Variants in OR5AR1 observed in about 807,000 individuals in gnomAD.
OR5AR1 encodes the protein olfactory receptor 5AR1.
OR5AR1 carries 19 observed loss-of-function variants against 12.3 expected under a neutral mutation model. The ratio of observed to expected loss-of-function variants is 1.55; its 90% CI spans 1.08 to 2.27. The LOEUF (loss-of-function observed/expected upper bound fraction) is 2.27, where lower values mean the gene tolerates loss of function less well. Among genes scored for constraint, OR5AR1 ranks in the 30% most tolerant of loss-of-function variants. OR5AR1 has a pLI of 0.00. For missense variants in OR5AR1, 432 were observed against 378.4 expected, an observed-to-expected ratio of 1.14 and a Z score of -1.18; for synonymous variants, 156 against 138.8, an observed-to-expected ratio of 1.12 and a Z score of -0.87.
At position 56,663,972 on chromosome 11, in the gene OR5AR1, G is replaced by T. The variant is rs188426984; in HGVS notation, c.287G>T (p.Ser96Ile). The T allele has an allele frequency of 5.0e-6, 8 of 1,614,054 alleles. No individual in the cohort carries two copies. The Admixed American group carries it at 1.0e-4, about 20-fold the overall frequency. Residue 96 changes from serine (S) to isoleucine (I), a missense_variant, in exon 1 of 1, where the codon AGC becomes ATC. Transcript: ENST00000624596. ...AATCACAAAGTTATCTCCTTCTCCA[G>T]CTGTGCCACCCAGTTTGCTTTTTTT... ...LTNHKVISFS[S>I]CATQFAFFVG...
In OR5AR1 at chr11:56,664,155, T is replaced by C. The variant is rs750717879; in HGVS notation, c.470T>C (p.Val157Ala). ...GSYLAGLVSL[V>A]AHTTLTFSLS... ...TACCTGGCTGGTCTAGTGAGTTTAGTAGCCCACACTACCCTCACCTTCAGC... is the reference window on the plus strand; with the variant it reads ...TACCTGGCTGGTCTAGTGAGTTTAGCAGCCCACACTACCCTCACCTTCAGC... The change falls in exon 1 of 1, where the codon GTA (valine) becomes GCA (alanine). Residue 157 changes from valine to alanine, a missense_variant. Coordinates refer to ENST00000624596, the MANE Select transcript of OR5AR1 (RefSeq NM_001004730.1). 10 of 1,614,010 alleles carry C rather than the reference T, an allele frequency of 6.2e-6. No individual in the cohort carries two copies. Among genetic ancestry groups the C allele is most frequent in the Middle Eastern group, 3.3e-4 (2 of 6,062 alleles).
chr11:56,664,179 G>T lies in OR5AR1; in HGVS notation c.494G>T (p.Ser165Ile). 6.2e-7 allele frequency: 1 copy of T among 1,613,992 alleles called. No individual in the cohort carries two copies. Among genetic ancestry groups the T allele is most frequent in the Non-Finnish European group, 8.5e-7 (1 of 1,180,008 alleles). Residue 165 changes from serine to isoleucine, a missense_variant, in exon 1 of 1, where the codon AGC (serine) becomes ATC (isoleucine). Transcript: ENST00000624596. ...GTAGCCCACACTACCCTCACCTTCA[G>T]CCTGAGTTACTGTGGTTCCAATATC... is the stretch of plus-strand genomic sequence containing the variant. ...SLVAHTTLTF[S>I]LSYCGSNIIN... is the part of the protein sequence containing the mutation.
rs77272836 is a variant in OR5AR1 at position 56,664,142 on chromosome 11, C to T, written c.457C>T (p.Leu153=). 0.013 allele frequency: 20,527 copies of T among 1,613,964 alleles called. 159 individuals carry two copies. Among genetic ancestry groups the T allele is most frequent in the Non-Finnish European group, 0.015 (17,267 of 1,179,942 alleles). The change falls in exon 1 of 1, where the codon CTA becomes TTA. Residue 153 remains leucine (L), a synonymous_variant. Coordinates refer to ENST00000624596, the MANE Select transcript of OR5AR1 (RefSeq NM_001004730.1). ...ALMLGSYLAG[L]VSLVAHTTLT... is the part of the protein sequence containing the mutation. ...CATGCTGGGCTCTTACCTGGCTGGT[C>T]TAGTGAGTTTAGTAGCCCACACTAC...
rs1351277284 is a variant in OR5AR1, at chr11:56,664,056, T to C, written c.371T>C (p.Val124Ala). The change falls in exon 1 of 1, where the codon GTG becomes GCG. Residue 124 changes from valine (V) to alanine (A), a missense_variant. Coordinates refer to ENST00000624596, the MANE Select transcript of OR5AR1 (RefSeq NM_001004730.1). ...GCAGCCATGGCCTATGGTCGTTTTG[T>C]GGCCATTTGTCGACCCCTCCACTAT... The part of the protein sequence containing the change: ...VLAAMAYGRF[V>A]AICRPLHYST... 6.2e-7 allele frequency: 1 copy of C among 1,614,062 alleles called. No individual in the cohort carries two copies.
chr11:56,664,065 G>T lies in OR5AR1; in HGVS notation c.380G>T (p.Cys127Phe), dbSNP rs758786914. The T allele has an allele frequency of 6.2e-7, 1 of 1,613,440 alleles. No individual in the cohort carries two copies. Among genetic ancestry groups the T allele is most frequent in the East Asian group, 2.2e-5 (1 of 44,808 alleles). The change falls in exon 1 of 1, where the codon TGT (cysteine) becomes TTT (phenylalanine). Residue 127 changes from cysteine to phenylalanine, a missense_variant. By Grantham distance (205) the Cys-to-Phe change is radical. Coordinates refer to ENST00000624596, the MANE Select transcript of OR5AR1 (RefSeq NM_001004730.1). ...GCCTATGGTCGTTTTGTGGCCATTT[G>T]TCGACCCCTCCACTATAGCACCTTC... ...AMAYGRFVAI[C>F]RPLHYSTFMS...
In OR5AR1 at chr11:56,664,543, TC is replaced by T. The variant is rs1191762458; in HGVS notation, c.861del (p.Leu288Ter). 1.2e-6 allele frequency: 2 copies of T among 1,613,948 alleles called. No individual in the cohort carries two copies. Among genetic ancestry groups the T allele is most frequent in the Admixed American group, 3.3e-5 (2 of 59,970 alleles). On this transcript the variant is annotated frameshift_variant, in exon 1 of 1. Coordinates refer to ENST00000624596, the MANE Select transcript of OR5AR1 (RefSeq NM_001004730.1). LOFTEE classifies it high-confidence loss of function. ...FYTVIIPMLN[P>X]LIYSLRNKDV... is the part of the protein sequence containing the mutation. ...ACACGGTTATCATCCCCATGTTAAATCCCTTGATCTACAGTTTGCGGAACAA... is the reference window on the plus strand; with the variant it reads ...ACACGGTTATCATCCCCATGTTAAATCCTTGATCTACAGTTTGCGGAACAA...
rs1406550893 is a variant in OR5AR1, at chr11:56,663,802, A to G, written c.117A>G (p.Val39=). 1.9e-6 allele frequency: 3 copies of G among 1,613,550 alleles called. No homozygotes were observed. Among genetic ancestry groups the G allele is most frequent in the East Asian group, 4.5e-5 (2 of 44,844 alleles). Residue 39 remains valine, a synonymous_variant, in exon 1 of 1, where the codon GTA becomes GTG. Transcript: ENST00000624596. ...VVFLIVYLVN[V]VGNIGMIILI... is the part of the protein sequence containing the mutation. ...TCCTCATAGTTTACCTGGTTAATGT[A>G]GTGGGGAATATTGGTATGATTATCC... is the stretch of plus-strand genomic sequence containing the variant.
In OR5AR1 at chr11:56,664,507, C is replaced by T. The variant is rs184733287; in HGVS notation, c.822C>T (p.Ala274=). 18 of 1,613,980 alleles carry T rather than the reference C, an allele frequency of 1.1e-5. No individual in the cohort carries two copies. Among genetic ancestry groups the T allele is most frequent in the Non-Finnish European group, 1.4e-5 (17 of 1,179,916 alleles). Residue 274 remains alanine (A), a synonymous_variant, in exon 1 of 1, where the codon GCC becomes GCT. Coordinates refer to ENST00000624596, the MANE Select transcript of OR5AR1 (RefSeq NM_001004730.1). ...SSYSLDQDKW[A]SVFYTVIIPM... ...ACTCCCTGGACCAAGACAAGTGGGC[C>T]TCTGTGTTCTACACGGTTATCATCC...
Position 56,663,792 on chromosome 11 carries a change from T to G in OR5AR1, c.107T>G (p.Leu36Arg). The G allele has an allele frequency of 1.9e-6, 3 of 1,613,528 alleles. No individual in the cohort carries two copies. Among genetic ancestry groups the G allele is most frequent in the South Asian group, 2.2e-5 (2 of 91,066 alleles). ...IFFVVFLIVY[L>R]VNVVGNIGMI... is the part of the protein sequence containing the mutation. ...TTCGTGGTCTTCCTCATAGTTTACC[T>G]GGTTAATGTAGTGGGGAATATTGGT... Residue 36 changes from leucine to arginine, a missense_variant, in exon 1 of 1, where the codon CTG (leucine) becomes CGG (arginine). Transcript: ENST00000624596.
Position 56,663,932 on chromosome 11 carries a change from G to C in OR5AR1, c.247G>C (p.Ala83Pro). ...CTCAGCCATTGCCCCCAGGATGCTG[G>C]CTGACTTCCTAACAAATCACAAAGT... ...YSSAIAPRMLADFLTNHKVIS... is the reference protein window; with the variant it reads ...YSSAIAPRMLPDFLTNHKVIS... The change falls in exon 1 of 1, where the codon GCT (alanine) becomes CCT (proline). Residue 83 changes from alanine (A) to proline (P), a missense_variant. Coordinates refer to ENST00000624596, the MANE Select transcript of OR5AR1 (RefSeq NM_001004730.1). 3 of 1,614,084 alleles carry C rather than the reference G, an allele frequency of 1.9e-6. No individual in the cohort carries two copies. Among genetic ancestry groups the C allele is most frequent in the Non-Finnish European group, 2.5e-6 (3 of 1,180,010 alleles).
At position 56,663,816 on chromosome 11, in the gene OR5AR1, G is replaced by GTAT; in HGVS notation, c.132_134dup (p.Gly44_Met45insIle). The GTAT allele has an allele frequency of 1.9e-6, 3 of 1,613,820 alleles. No individual in the cohort carries two copies. Among genetic ancestry groups the GTAT allele is most frequent in the Non-Finnish European group, 2.5e-6 (3 of 1,179,820 alleles). On this transcript the variant is annotated inframe_insertion, in exon 1 of 1. Coordinates refer to ENST00000624596, the MANE Select transcript of OR5AR1 (RefSeq NM_001004730.1). ...CTGGTTAATGTAGTGGGGAATATTG[G>GTAT]TATGATTATCCTGATTACAACAGAC... is the stretch of plus-strand genomic sequence containing the variant.
Position 56,664,055 on chromosome 11 carries a change from G to C in OR5AR1, c.370G>C (p.Val124Leu). 1 of 1,613,850 alleles carries C rather than the reference G, an allele frequency of 6.2e-7. No individual in the cohort carries two copies. Among genetic ancestry groups the C allele is most frequent in the Non-Finnish European group, 8.5e-7 (1 of 1,179,928 alleles). ...VLAAMAYGRFVAICRPLHYST... is the reference protein window; with the variant it reads ...VLAAMAYGRFLAICRPLHYST... ...GGCAGCCATGGCCTATGGTCGTTTTGTGGCCATTTGTCGACCCCTCCACTA... is the reference window on the plus strand; with the variant it reads ...GGCAGCCATGGCCTATGGTCGTTTTCTGGCCATTTGTCGACCCCTCCACTA... Residue 124 changes from valine (V) to leucine (L), a missense_variant, in exon 1 of 1, where the codon GTG becomes CTG. Val to Leu is a conservative substitution (Grantham distance 32, BLOSUM62 1). Transcript: ENST00000624596.
chr11:56,664,352 G>T lies in OR5AR1; in HGVS notation c.667G>T (p.Val223Phe), dbSNP rs1394932348. ...CTTCATCTCCTATACCTTTATCCTTGTTGCAATCATCAGAATGCGTTCAGC... is the reference window on the plus strand; with the variant it reads ...CTTCATCTCCTATACCTTTATCCTTTTTGCAATCATCAGAATGCGTTCAGC... ...IIFISYTFIL[V>F]AIIRMRSAEG... The change falls in exon 1 of 1, where the codon GTT becomes TTT. Residue 223 changes from valine to phenylalanine, a missense_variant. Coordinates refer to ENST00000624596, the MANE Select transcript of OR5AR1 (RefSeq NM_001004730.1). 1 of 1,613,884 alleles carries T rather than the reference G, an allele frequency of 6.2e-7. No individual in the cohort carries two copies. The highest frequency in any genetic ancestry group is 1.3e-5 in the African/African-American group (1 of 74,858).
chr11:56,663,703 C>T lies in OR5AR1; in HGVS notation c.18C>T (p.Ser6=). Residue 6 remains serine (S), a synonymous_variant, in exon 1 of 1, where the codon AGC becomes AGT. Coordinates refer to ENST00000624596, the MANE Select transcript of OR5AR1 (RefSeq NM_001004730.1). ...TTGAAGCAATGGATAAAGAAAACAG[C>T]TCAATGGTGACTGAGTTTATCTTCA... MDKEN[S]SMVTEFIFMG... 6.2e-7 allele frequency: 1 copy of T among 1,609,494 alleles called. No homozygotes were observed. The highest frequency in any genetic ancestry group is 8.5e-7 in the Non-Finnish European group (1 of 1,177,424).
In OR5AR1 at chr11:56,663,936, A is replaced by C. The variant is rs762581013; in HGVS notation, c.251A>C (p.Asp84Ala). 5.6e-6 allele frequency: 9 copies of C among 1,614,088 alleles called. No homozygotes were observed. The highest frequency in any genetic ancestry group is 7.6e-6 in the Non-Finnish European group (9 of 1,180,006). ...SSAIAPRMLA[D>A]FLTNHKVISF... ...GCCATTGCCCCCAGGATGCTGGCTG[A>C]CTTCCTAACAAATCACAAAGTTATC... Residue 84 changes from aspartate (D) to alanine (A), a missense_variant, in exon 1 of 1, where the codon GAC (aspartate) becomes GCC (alanine). By Grantham distance (126) the Asp-to-Ala change is moderately radical (BLOSUM62 -2). Coordinates refer to ENST00000624596, the MANE Select transcript of OR5AR1 (RefSeq NM_001004730.1).
Position 56,663,936 on chromosome 11 carries a change from A to T in OR5AR1, c.251A>T (p.Asp84Val). The part of the protein sequence containing the change: ...SSAIAPRMLA[D>V]FLTNHKVISF... ...GCCATTGCCCCCAGGATGCTGGCTG[A>T]CTTCCTAACAAATCACAAAGTTATC... Residue 84 changes from aspartate to valine, a missense_variant, in exon 1 of 1, where the codon GAC becomes GTC. Asp to Val is a radical substitution (Grantham distance 152). Coordinates refer to ENST00000624596, the MANE Select transcript of OR5AR1 (RefSeq NM_001004730.1). 6.2e-7 allele frequency: 1 copy of T among 1,614,088 alleles called. No homozygotes were observed. The highest frequency in any genetic ancestry group is 1.1e-5 in the South Asian group (1 of 91,074).
rs893266108 is a variant in OR5AR1, at chr11:56,663,841, C to T, written c.156C>T (p.Asp52=). Residue 52 remains aspartate (D), a synonymous_variant, in exon 1 of 1, where the codon GAC becomes GAT. Transcript: ENST00000624596. ...GTATGATTATCCTGATTACAACAGA[C>T]ACTCAGCTTCACACACCCATGTATT... ...NIGMIILITT[D]TQLHTPMYFF... The T allele has an allele frequency of 6.2e-7, 1 of 1,613,932 alleles. No homozygotes were observed. Among genetic ancestry groups the T allele is most frequent in the Non-Finnish European group, 8.5e-7 (1 of 1,179,972 alleles).
In OR5AR1 at chr11:56,663,821, A is replaced by G. The variant is rs1205938256; in HGVS notation, c.136A>G (p.Ile46Val). The G allele has an allele frequency of 6.2e-7, 1 of 1,613,922 alleles. No homozygotes were observed. Among genetic ancestry groups the G allele is most frequent in the Admixed American group, 1.7e-5 (1 of 60,010 alleles). ...TAATGTAGTGGGGAATATTGGTATG[A>G]TTATCCTGATTACAACAGACACTCA... is the stretch of plus-strand genomic sequence containing the variant. ...LVNVVGNIGM[I>V]ILITTDTQLH... Residue 46 changes from isoleucine to valine, a missense_variant, in exon 1 of 1, where the codon ATT becomes GTT. Coordinates refer to ENST00000624596, the MANE Select transcript of OR5AR1 (RefSeq NM_001004730.1).
chr11:56,664,609 A>G lies in OR5AR1; in HGVS notation c.924A>G (p.Lys308=), dbSNP rs775455220. ...CTTTCAAAAAGCTAATTGGAAAAAA[A>G]TCTCAATAATAACACAAAATGAAAA... ...KAAFKKLIGK[K]SQ is the part of the protein sequence containing the mutation. The change falls in exon 1 of 1, where the codon AAA becomes AAG. Residue 308 remains lysine (K), a synonymous_variant. Transcript: ENST00000624596. The G allele has an allele frequency of 6.3e-7, 1 of 1,589,186 alleles. No homozygotes were observed. The highest frequency in any genetic ancestry group is 1.1e-5 in the South Asian group (1 of 89,208).
Sources: allele counts gnomAD v4.1 joint callset, GRCh38; gene constraint gnomAD v4.1.1; transcripts MANE v1.5; gene names NCBI Gene and HGNC (gene_info 2026-07-23, HGNC 2026-07-21).